The following IFRD1 variants were observed in gnomAD, a reference collection of about 807,000 sequenced individuals.
IFRD1 encodes interferon-related developmental regulator 1.
A neutral mutation model predicts 52.9 loss-of-function variants in IFRD1; 35 were observed. The observed-to-expected ratio is 0.66, with a 90% CI of 0.51 to 0.88. The LOEUF (loss-of-function observed/expected upper bound fraction) is 0.88. Ranked by LOEUF, IFRD1 falls within the 40% of genes least tolerant of loss-of-function variation. The pLI is 0.00. For synonymous variants in IFRD1, 184 were observed against 188.4 expected, an observed-to-expected ratio of 0.98 and a Z score of 0.19; for missense variants, 517 against 550.8, an observed-to-expected ratio of 0.94 and a Z score of 0.61.
intron 1 of IFRD1, among the ~76,000 whole-genome samples, chr7:112,453,204 T>TA (rs1192660601): frequency 6.6e-6 from 1 of 152,206 alleles, no homozygotes; most frequent in East Asian, 1.9e-4. Flanking sequence ...TTATTTTTTT[T>TA]ATGTTAGTGG....
chr7:112,424,947 C>T (rs1794396966), intron 1 of IFRD1, among the ~76,000 whole-genome samples: 1 of 152,104 alleles, frequency 6.6e-6, no homozygotes, highest in Admixed American at 6.5e-5. Context: ...GAGAATGCTC[C>T]ATGTGCTGAT....
intron 1 of IFRD1, among the ~76,000 whole-genome samples, chr7:112,426,128 C>T (rs1794424094): frequency 6.6e-6 from 1 of 152,124 alleles, no homozygotes; most frequent in South Asian, 2.1e-4. Context: ...TGGGAGGACA[C>T]TTGAGCCTGG....
intron 1 of IFRD1, among the ~76,000 whole-genome samples, chr7:112,453,274 T>A (rs1168503817): frequency 1.3e-5 from 2 of 152,184 alleles, no homozygotes; most frequent in African/African-American, 4.8e-5. Flanking sequence ...TAGCACTTAA[T>A]TTAAAGAGAA....
intron 8 of IFRD1, among the ~76,000 whole-genome samples, chr7:112,462,877 C>T (rs748528503): frequency 2.0e-5 from 3 of 152,136 alleles, no homozygotes; most frequent in Non-Finnish European, 2.9e-5. Context: ...TTCACTTGTC[C>T]ACTCACAGAT....
intron 6 of IFRD1, 39 bp downstream of exon 6, chr7:112,461,955 T>C (rs756187294): frequency 1.9e-6 from 3 of 1,602,892 alleles, no homozygotes; most frequent in Non-Finnish European, 1.7e-6. Context: ...TCTGCAGTTA[T>C]TTCTAATTTA....
At chr7:112,460,579 TCATCAAAAGGAACGATGTAGC>T (rs1395837470) in intron 5 of IFRD1, among the ~76,000 whole-genome samples, 1 of 152,016 alleles carries the variant, frequency 6.6e-6, no homozygotes, top group Non-Finnish European at 1.5e-5. Context: ...TTTCTTAGAG[TCATCAAAAGGAACGATGTAGC>T]CTTGCTTCTG....
chr7:112,423,476 A>G (rs1794364197), intron 1 of IFRD1: 1 of 152,230 alleles, frequency 6.6e-6, no homozygotes, highest in Admixed American at 6.5e-5. Context: ...TGAGGCTTAA[A>G]GATGTTAAAT....
At chr7:112,460,113 TTGTA>T (rs1795397284) in intron 5 of IFRD1, among the ~76,000 whole-genome samples, 1 of 149,168 alleles carries the variant, frequency 6.7e-6, no homozygotes, top group Non-Finnish European at 1.5e-5. Flanking sequence ...TTAATTTTGA[TTGTA>T]TGTAAGTTTT....
upstream of IFRD1, among the ~76,000 whole-genome samples, chr7:112,448,907 TAGG>T (rs1442825724): frequency 2.6e-5 from 4 of 151,648 alleles, no homozygotes; most frequent in African/African-American, 9.7e-5. Flanking sequence ...GAAATGGAGG[TAGG>T]AGAAGAGAGC....
intron 1 of IFRD1, among the ~76,000 whole-genome samples, chr7:112,452,857 AAC>A (rs1460421282): frequency 3.9e-5 from 6 of 152,242 alleles, no homozygotes; most frequent in African/African-American, 1.4e-4. Flanking sequence ...ATTAATTTAT[AAC>A]ACAATACATG....
At chr7:112,424,988 T>C (rs545260860) in intron 1 of IFRD1, among the ~76,000 whole-genome samples, 1 of 152,112 alleles carries the variant, frequency 6.6e-6, no homozygotes, top group African/African-American at 2.4e-5. Flanking sequence ...AGCACTTGGG[T>C]GATTGTCAGG....
intron 1 of IFRD1, among the ~76,000 whole-genome samples, chr7:112,433,696 T>C (rs552998601): frequency 6.6e-6 from 1 of 152,362 alleles, no homozygotes; most frequent in Non-Finnish European, 1.5e-5. Flanking sequence ...CCAAAGTTAG[T>C]TCTGCCTATA....
At chr7:112,450,288 G>A, upstream of IFRD1, 1 of 205,346 alleles carries the variant, frequency 4.9e-6, no homozygotes, top group South Asian at 5.8e-5. Flanking sequence ...CTCCCTGGGC[G>A]CGGACGGAAG....
At chr7:112,425,777 C>G (rs950723611) in intron 1 of IFRD1, among the ~76,000 whole-genome samples, 8 of 152,142 alleles carry the variant, frequency 5.3e-5, no homozygotes, top group South Asian at 2.1e-4. Context: ...GACTAATACA[C>G]TGGGGCACTA....
In IFRD1 at chr7:112,455,717, T is replaced by C. The variant is rs779129754; in HGVS notation, c.95-46T>C. 3.3e-5 allele frequency: 40 copies of C among 1,209,786 alleles called. 1 individual carries two copies. In the Middle Eastern group the frequency reaches 2.5e-3, roughly 74 times the overall value. The allele number at this position is 1,209,786 out of a possible 1,614,324, so 74.9% of individuals were successfully genotyped here. On this transcript the variant is annotated intron_variant, in intron 1 of 11. Transcript: ENST00000403825. Reference sequence around the variant, plus strand: ...AAAATTCCAAAGTTAAATATTTAGGTATATGGCAATAAAATAATTTACCTC... The same window carrying C: ...AAAATTCCAAAGTTAAATATTTAGGCATATGGCAATAAAATAATTTACCTC...
At position 112,450,617 on chromosome 7, in the gene IFRD1, C is replaced by T; in HGVS notation, c.-72C>T. Reference sequence around the variant, plus strand: ...CTCAGCCGCCCGCCGCACAGACGCACGAGTAAAAAGTGCAGCTCCATCGGC... The same window carrying T: ...CTCAGCCGCCCGCCGCACAGACGCATGAGTAAAAAGTGCAGCTCCATCGGC... On this transcript the variant is annotated 5_prime_UTR_variant, in exon 1 of 12. It adds an upstream start codon to the 5' untranslated region. Coordinates refer to ENST00000403825, the MANE Select transcript of IFRD1 (RefSeq NM_001550.4). 1 of 1,218,502 alleles carries T rather than the reference C, an allele frequency of 8.2e-7. No individual in the cohort carries two copies. The highest frequency in any genetic ancestry group is 2.3e-5 in the East Asian group (1 of 42,768). The allele number at this position is 1,218,502 out of a possible 1,614,324, so 75.5% of individuals were successfully genotyped here. A position where few individuals can be genotyped will look rare whatever the true frequency, so the allele number is the denominator to read the frequency against.
intron 4 of IFRD1, 83 bp downstream of exon 4, chr7:112,457,121 C>G: frequency 7.3e-7 from 1 of 1,375,198 alleles, no homozygotes; most frequent in East Asian, 2.3e-5. Context: ...AGTAATAGCA[C>G]TGGAACACTG....
At position 112,450,770 on chromosome 7, in the gene IFRD1, G is replaced by T. The variant is rs946320691; in HGVS notation, c.82G>T (p.Ala28Ser). 3.1e-6 allele frequency: 5 copies of T among 1,611,904 alleles called. No homozygotes were observed. The African/African-American group carries it at 5.3e-5, about 17-fold the overall frequency. ...GGGSGAAAAT[A>S]ATAGGQHRNV... is the part of the protein sequence containing the mutation. Reference sequence around the variant, plus strand: ...CGGGTCAGGAGCAGCCGCAGCGACGGCGGCGACAGCAGGTAAGGGGTATCC... The same window carrying T: ...CGGGTCAGGAGCAGCCGCAGCGACGTCGGCGACAGCAGGTAAGGGGTATCC... The change falls in exon 1 of 12, where the codon GCG (alanine) becomes TCG (serine). Residue 28 changes from alanine to serine, a missense_variant. Coordinates refer to ENST00000403825, the MANE Select transcript of IFRD1 (RefSeq NM_001550.4).
At chr7:112,472,455 A>G (rs769373051) in intron 10 of IFRD1, 108 bp downstream of exon 10, 9 of 1,207,490 alleles carry the variant, frequency 7.5e-6, no homozygotes, top group Non-Finnish European at 1.1e-5. Context: ...GTGCTTCCAC[A>G]TGTTAGAAAA....
Sources: gnomAD v4.1 joint callset for allele counts (sites outside exome capture counted in the v4.1 genomes callset) on GRCh38, gnomAD v4.1.1 for gene constraint, MANE v1.5 for transcripts, NCBI Gene and HGNC (gene_info 2026-07-23, HGNC 2026-07-21) for gene names.